Variants in EXOC2 observed in about 807,000 individuals in gnomAD.
EXOC2 encodes the protein SEC5-like 1.
In EXOC2, 70 loss-of-function variants were observed where a neutral mutation model predicts 131.8. The ratio of observed to expected loss-of-function variants is 0.53; its 90% CI spans 0.44 to 0.65. The LOEUF (loss-of-function observed/expected upper bound fraction) is 0.65, where lower values mean the gene tolerates loss of function less well. Ranked by LOEUF, EXOC2 falls within the 30% of genes least tolerant of loss-of-function variation. The pLI is 0.00. For missense variants in EXOC2, 923 were observed against 1,108.6 expected, an observed-to-expected ratio of 0.83 and a Z score of 2.38; for synonymous variants, 411 against 398.4, an observed-to-expected ratio of 1.03 and a Z score of -0.38.
chr6:648,188 G>T (rs1267781769), intron 1 of EXOC2, among the ~76,000 whole-genome samples: 1 of 152,184 alleles, frequency 6.6e-6, no homozygotes, highest in Non-Finnish European at 1.5e-5. Flanking sequence ...ATTTGTGAAT[G>T]AACTATAGGA....
chr6:562,037 T>G (rs1757726326), intron 17 of EXOC2, among the ~76,000 whole-genome samples: 1 of 152,192 alleles, frequency 6.6e-6, no homozygotes, highest in South Asian at 2.1e-4. Context: ...TGGACTTTCT[T>G]CCTGACAGCA....
intron 23 of EXOC2, among the ~76,000 whole-genome samples, chr6:514,988 A>G (rs1765063558): frequency 1.3e-5 from 2 of 152,258 alleles, no homozygotes; most frequent in South Asian, 4.1e-4. Context: ...GCTTCGCTCT[A>G]AACGAACAGT....
intron 21 of EXOC2, among the ~76,000 whole-genome samples, chr6:553,230 T>G (rs1757239705): frequency 6.6e-6 from 1 of 152,188 alleles, no homozygotes. Context: ...AAGGGTTATT[T>G]TATTTATGAT....
At chr6:680,134 T>A (rs778675846) in intron 1 of EXOC2, among the ~76,000 whole-genome samples, 4 of 152,230 alleles carry the variant, frequency 2.6e-5, no homozygotes, top group Non-Finnish European at 4.4e-5. Flanking sequence ...TTGTTTTAGC[T>A]GCCTCTCCCC....
chr6:517,993 CTTAA>C (rs1765251480), intron 23 of EXOC2, among the ~76,000 whole-genome samples: 1 of 152,178 alleles, frequency 6.6e-6, no homozygotes, highest in African/African-American at 2.4e-5. Flanking sequence ...GTTTATTTTT[CTTAA>C]TTAAGAGACA....
At chr6:502,487 C>T (rs1764279900) in intron 23 of EXOC2, among the ~76,000 whole-genome samples, 1 of 152,174 alleles carries the variant, frequency 6.6e-6, no homozygotes, top group Admixed American at 6.5e-5. Flanking sequence ...AACTCCCACT[C>T]GGACCCCGAC....
At chr6:544,364 T>C (rs1028102590) in intron 22 of EXOC2, among the ~76,000 whole-genome samples, 6 of 152,198 alleles carry the variant, frequency 3.9e-5, no homozygotes, top group Non-Finnish European at 8.8e-5. Context: ...TGTTTATTCT[T>C]TCCCTTCCTG....
chr6:664,356 A>C (rs556089393), intron 1 of EXOC2, among the ~76,000 whole-genome samples: 1 of 152,228 alleles, frequency 6.6e-6, no homozygotes, highest in Admixed American at 6.5e-5. Flanking sequence ...CAATATTGTG[A>C]AAATGACCAT....
chr6:549,103 C>G, intron 22 of EXOC2, 72 bp downstream of exon 22: 1 of 1,269,018 alleles, frequency 7.9e-7, no homozygotes, highest in South Asian at 1.2e-5. Context: ...TAGCAGAACA[C>G]AGGCTAGGAA....
At chr6:552,519 T>G (rs917828089) in intron 21 of EXOC2, among the ~76,000 whole-genome samples, 2 of 152,230 alleles carry the variant, frequency 1.3e-5, no homozygotes, top group Non-Finnish European at 2.9e-5. Flanking sequence ...ATATTGCTTA[T>G]ATACTGCTGA....
At chr6:656,089 A>T in intron 1 of EXOC2, 2 of 1,552,388 alleles carry the variant, frequency 1.3e-6, no homozygotes, top group Non-Finnish European at 1.8e-6. Context: ...TAAAAAAAAA[A>T]TCTAAGCTGG....
chr6:516,030 T>C (rs1465839574), intron 23 of EXOC2, among the ~76,000 whole-genome samples: 2 of 152,228 alleles, frequency 1.3e-5, no homozygotes, highest in African/African-American at 2.4e-5. Flanking sequence ...CTGTGAGGCA[T>C]GTTATAAATA....
At chr6:578,906 A>G (rs1025342433) in intron 11 of EXOC2, among the ~76,000 whole-genome samples, 1 of 152,180 alleles carries the variant, frequency 6.6e-6, no homozygotes, top group South Asian at 2.1e-4. Flanking sequence ...ACTTCTATCA[A>G]TTGTGGAATT....
At chr6:690,261 T>C (rs1011678523) in intron 1 of EXOC2, among the ~76,000 whole-genome samples, 2 of 151,134 alleles carry the variant, frequency 1.3e-5, no homozygotes, top group African/African-American at 4.9e-5. Flanking sequence ...GAGGCTGAGG[T>C]AGAAGGATTT....
chr6:673,743 T>G (rs1763982934), intron 1 of EXOC2, among the ~76,000 whole-genome samples: 1 of 152,198 alleles, frequency 6.6e-6, no homozygotes, highest in African/African-American at 2.4e-5. Context: ...TCATCTGTAT[T>G]TGCCTTCCCA....
chr6:598,799 C>T (rs774630624), intron 9 of EXOC2, 61 bp downstream of exon 9: 3 of 1,348,696 alleles, frequency 2.2e-6, no homozygotes, highest in Non-Finnish European at 3.1e-6. Flanking sequence ...TTGCAGAACA[C>T]ATTCCACATT....
At chr6:603,515 C>G (rs907826074) in intron 7 of EXOC2, among the ~76,000 whole-genome samples, 1 of 152,186 alleles carries the variant, frequency 6.6e-6, no homozygotes, top group Admixed American at 6.5e-5. Context: ...CTCTTCACCT[C>G]CAAGCTGAGT....
intron 9 of EXOC2, 71 bp from the exon 10 acceptor site, chr6:598,194 T>C (rs1759927286): frequency 1.6e-6 from 2 of 1,289,108 alleles, no homozygotes; most frequent in South Asian, 2.7e-5. Flanking sequence ...AAAAGCAGAA[T>C]AGTAGTTGCT....
chr6:673,156 T>G (rs6940659), intron 1 of EXOC2, among the ~76,000 whole-genome samples: 20,843 of 148,338 alleles, frequency 0.14, 1,678 homozygotes, highest in African/African-American at 0.22. Context: ...CGGCTACTCA[T>G]GAGGCTGAGG....
Sources: allele counts gnomAD v4.1 joint callset (sites outside exome capture counted in the v4.1 genomes callset), GRCh38; gene constraint gnomAD v4.1.1; transcripts MANE v1.5; gene names NCBI Gene and HGNC (gene_info 2026-07-23, HGNC 2026-07-21).